The following HABP4 variants were observed in gnomAD, a reference collection of about 807,000 sequenced individuals.
HABP4 encodes intracellular hyaluronan-binding protein 4.
In HABP4, 32 loss-of-function variants were observed where a neutral mutation model predicts 44.1. That is an observed-to-expected ratio of 0.73 (90% CI 0.55 to 0.97). The LOEUF is 0.97. Among genes scored for constraint, HABP4 ranks in the 50% least tolerant of loss-of-function variants. The probability of loss-of-function intolerance (pLI) is 0.00; values close to 1 mark genes in which losing one functional copy is unlikely to be tolerated. For missense variants in HABP4, 503 were observed against 561.9 expected (o/e 0.90, Z 1.06); for synonymous variants, 216 against 218.0 (o/e 0.99, Z 0.08).
intron 2 of HABP4, among the ~76,000 whole-genome samples, chr9:96,459,612 G>A (rs772218319): frequency 3.3e-5 from 5 of 152,206 alleles, no homozygotes; most frequent in Non-Finnish European, 7.3e-5. Flanking sequence ...ATAGTGAACA[G>A]TTATATGTCA....
chr9:96,475,883 A>G (rs957642427), intron 5 of HABP4, among the ~76,000 whole-genome samples: 5 of 152,240 alleles, frequency 3.3e-5, no homozygotes, highest in African/African-American at 9.6e-5. Context: ...TGCTTAAACA[A>G]TGAAGATTTT....
chr9:96,458,023 C>T (rs747423079), intron 1 of HABP4, among the ~76,000 whole-genome samples: 3 of 152,256 alleles, frequency 2.0e-5, no homozygotes, highest in South Asian at 2.1e-4. Context: ...TTTCTAGGTA[C>T]GGCTTACACA....
At chr9:96,463,614 T>G (rs1368844442) in intron 2 of HABP4, among the ~76,000 whole-genome samples, 2 of 152,164 alleles carry the variant, frequency 1.3e-5, no homozygotes, top group Admixed American at 1.3e-4. Flanking sequence ...TGCTATAGTT[T>G]AGAATCAGGT....
At chr9:96,473,000 C>T (rs868858244) in intron 5 of HABP4, among the ~76,000 whole-genome samples, 4 of 152,242 alleles carry the variant, frequency 2.6e-5, no homozygotes, top group African/African-American at 2.4e-5. Flanking sequence ...TGCCTCTCAG[C>T]ATCTCCTTTG....
At chr9:96,467,987 C>T (rs1832631879) in intron 4 of HABP4, among the ~76,000 whole-genome samples, 1 of 152,212 alleles carries the variant, frequency 6.6e-6, no homozygotes, top group Non-Finnish European at 1.5e-5. Context: ...ACTTGTGGCC[C>T]TGGCAGGCTG....
At chr9:96,468,555 G>C (rs562797733) in intron 4 of HABP4, among the ~76,000 whole-genome samples, 4 of 151,842 alleles carry the variant, frequency 2.6e-5, no homozygotes, top group Non-Finnish European at 4.4e-5. Context: ...CACCGTGCCC[G>C]GCCTTTTTTG....
At chr9:96,467,323 C>T (rs746671276) in intron 4 of HABP4, among the ~76,000 whole-genome samples, 3 of 145,072 alleles carry the variant, frequency 2.1e-5, no homozygotes, top group African/African-American at 8.7e-5. Flanking sequence ...GATTTACTAC[C>T]ATTGCTCATT....
At chr9:96,452,966 G>A (rs1184202294) in intron 1 of HABP4, among the ~76,000 whole-genome samples, 2 of 132,986 alleles carry the variant, frequency 1.5e-5, no homozygotes, top group African/African-American at 6.0e-5. Flanking sequence ...TTTGAGACAG[G>A]CTGGAGTGCA....
Position 96,465,333 on chromosome 9 carries a change from C to G in HABP4, c.513-4C>G. ...CAGTTTTTATTATATCCACTCCTTC[C>G]TAGACCAGGTGATAGGTTTGATCGA... On this transcript the variant is annotated splice_region_variant and splice_polypyrimidine_tract_variant and intron_variant, in intron 2 of 7. Coordinates refer to ENST00000375249, the MANE Select transcript of HABP4 (RefSeq NM_014282.4). 6.3e-7 allele frequency: 1 copy of G among 1,599,688 alleles called. No individual in the cohort carries two copies. Among genetic ancestry groups the G allele is most frequent in the Non-Finnish European group, 8.6e-7 (1 of 1,167,074 alleles).
chr9:96,485,268 CT>C (rs749476330), intron 6 of HABP4, among the ~76,000 whole-genome samples: 8 of 152,188 alleles, frequency 5.3e-5, no homozygotes, highest in Admixed American at 2.0e-4. Context: ...TCAGGCTGGT[CT>C]TGAACTCCCG....
At chr9:96,485,747 C>G (rs994810920) in intron 6 of HABP4, among the ~76,000 whole-genome samples, 1 of 152,086 alleles carries the variant, frequency 6.6e-6, no homozygotes, top group Non-Finnish European at 1.5e-5. Flanking sequence ...CTGTATCATT[C>G]CATCTACAGC....
intron 6 of HABP4, among the ~76,000 whole-genome samples, chr9:96,486,262 G>C (rs1190833310): frequency 6.6e-6 from 1 of 152,170 alleles, no homozygotes; most frequent in Non-Finnish European, 1.5e-5. Flanking sequence ...AGCTGTAGGA[G>C]GCCTTACTGA....
Position 96,465,374 on chromosome 9 carries a change from G to A in HABP4, c.550G>A (p.Gly184Arg). The change falls in exon 3 of 8, where the codon GGA becomes AGA. Residue 184 changes from glycine to arginine, a missense_variant. Coordinates refer to ENST00000375249, the MANE Select transcript of HABP4 (RefSeq NM_014282.4). ...GTTTGATCGAGACAGACCGTTGAGAGGACGTGGAGGCCCGAGAGGGGGTAT... is the reference window on the plus strand; with the variant it reads ...GTTTGATCGAGACAGACCGTTGAGAAGACGTGGAGGCCCGAGAGGGGGTAT... Reference protein sequence around the residue: ...DRFDRDRPLRGRGGPRGGMRG... With the variant: ...DRFDRDRPLRRRGGPRGGMRG... 6.2e-7 allele frequency: 1 copy of A among 1,610,430 alleles called. No individual in the cohort carries two copies. The highest frequency in any genetic ancestry group is 1.7e-5 in the Admixed American group (1 of 60,020).
Position 96,456,819 on chromosome 9 carries a change from A to ATATATC in HABP4, c.350-1557_350-1556insATCTAT, listed in dbSNP as rs1183734164. Among the ~76,000 whole-genome samples, 4 of 123,580 alleles carry ATATATC rather than the reference A, an allele frequency of 3.2e-5. No homozygotes were observed. In the East Asian group the frequency reaches 9.7e-4, roughly 30 times the overall value. The allele number at this position is 123,580 out of a possible 152,430, so 81.1% of individuals were successfully genotyped here. A position where few individuals can be genotyped will look rare whatever the true frequency, so the allele number is the denominator to read the frequency against. On this transcript the variant is annotated intron_variant, in intron 1 of 7. Transcript: ENST00000375249. ...TATATATATATATATATATATATAT[A>ATATATC]TATCCATTAACTTGAATAAATGTCA...
At chr9:96,480,250 C>T (rs1396142425) in intron 5 of HABP4, among the ~76,000 whole-genome samples, 3 of 152,160 alleles carry the variant, frequency 2.0e-5, no homozygotes, top group Admixed American at 2.0e-4. Flanking sequence ...CTCCAAGGTA[C>T]TGTACACCCC....
At chr9:96,455,131 C>T (rs1237788282) in intron 1 of HABP4, among the ~76,000 whole-genome samples, 2 of 151,758 alleles carry the variant, frequency 1.3e-5, no homozygotes, top group Non-Finnish European at 2.9e-5. Context: ...AGAAAAGTGT[C>T]ATTATCTTGA....
chr9:96,451,659 GT>G (rs1832280431), intron 1 of HABP4, among the ~76,000 whole-genome samples: 1 of 152,110 alleles, frequency 6.6e-6, no homozygotes, highest in Non-Finnish European at 1.5e-5. Flanking sequence ...GCTGGGTAAT[GT>G]TTACCTTTAT....
rs746488806 is a variant in HABP4 at position 96,491,214 on chromosome 9, C to G, written c.*1176C>G. On this transcript the variant is annotated 3_prime_UTR_variant, in exon 8 of 8. Transcript: ENST00000375249. ...TGCCTGTTGTCACACAGTTCATATG[C>G]TCGCTTGAGATGGAATCTGAACCTT... 1.3e-5 allele frequency: 2 copies of G among 152,288 alleles called. No homozygotes were observed. Among genetic ancestry groups the G allele is most frequent in the Non-Finnish European group, 2.9e-5 (2 of 68,098 alleles). 9.4% of individuals were successfully genotyped at this position (152,288 alleles called of 1,614,324 possible).
chr9:96,457,887 GTAAA>G (rs1564159388), intron 1 of HABP4, among the ~76,000 whole-genome samples: 4 of 152,072 alleles, frequency 2.6e-5, no homozygotes, highest in Admixed American at 6.6e-5. Flanking sequence ...AAGTAATTAA[GTAAA>G]TAAATTAAAA....
Sources: allele counts gnomAD v4.1 joint callset (sites outside exome capture counted in the v4.1 genomes callset), GRCh38; gene constraint gnomAD v4.1.1; transcripts MANE v1.5; gene names NCBI Gene and HGNC (gene_info 2026-07-23, HGNC 2026-07-21).